The following WAPL variants were observed in gnomAD, a reference collection of about 807,000 sequenced individuals.
The protein encoded by WAPL is WAPL cohesin release factor.
WAPL carries 5 observed loss-of-function variants against 121.0 expected under a neutral mutation model. That is an observed-to-expected ratio of 0.04 (90% CI 0.02 to 0.09). The LOEUF (loss-of-function observed/expected upper bound fraction) is 0.09, where lower values mean the gene tolerates loss of function less well. WAPL is among the 10% of genes least tolerant of loss of function. The pLI, the probability that WAPL is intolerant of heterozygous loss-of-function variation, is 1.00. For synonymous variants in WAPL, 480 were observed against 481.5 expected (o/e 1.00, Z 0.04); for missense variants, 999 against 1,410.8 (o/e 0.71, Z 4.68).
chr10:86,442,906 G>A (rs748612372), intron 17 of WAPL, among the ~76,000 whole-genome samples: 12 of 152,016 alleles, frequency 7.9e-5, no homozygotes, highest in African/African-American at 2.9e-4. Context: ...AGCCGGGGGC[G>A]GTGGCAGGCG....
intron 4 of WAPL, among the ~76,000 whole-genome samples, chr10:86,487,661 C>T (rs917600901): frequency 6.6e-6 from 1 of 152,016 alleles, no homozygotes; most frequent in East Asian, 1.9e-4. Context: ...GAGGCCGAGG[C>T]GGGTGGATCA....
At position 86,473,803 on chromosome 10, in the gene WAPL, T is replaced by C. The variant is rs1270615132; in HGVS notation, c.1740+75A>G. 19 of 1,171,004 alleles carry C rather than the reference T, an allele frequency of 1.6e-5. No individual in the cohort carries two copies. In the Admixed American group the frequency reaches 2.7e-4, roughly 17 times the overall value. 72.5% of individuals were successfully genotyped at this position (1,171,004 alleles called of 1,614,324 possible). On this transcript the variant is annotated intron_variant, in intron 5 of 18. Coordinates refer to ENST00000298767, the MANE Select transcript of WAPL (RefSeq NM_015045.5). ...AATAGAAAAGTCAAAGATTTACAAA[T>C]TATGAATTAAAAGAGTAACTGCTTA...
intron 2 of WAPL, among the ~76,000 whole-genome samples, chr10:86,516,785 G>C (rs961133200): frequency 6.6e-6 from 1 of 152,010 alleles, no homozygotes; most frequent in African/African-American, 2.4e-5. Flanking sequence ...CAGTTTTGTG[G>C]TTTAAAATCT....
intron 2 of WAPL, among the ~76,000 whole-genome samples, chr10:86,507,283 G>A (rs763415519): frequency 1.5e-5 from 2 of 136,346 alleles, no homozygotes; most frequent in Non-Finnish European, 1.5e-5. Flanking sequence ...CAGGAGAATC[G>A]CTTGAACCCG....
At chr10:86,487,009 T>G (rs926295809) in intron 4 of WAPL, among the ~76,000 whole-genome samples, 1 of 151,694 alleles carries the variant, frequency 6.6e-6, no homozygotes, top group Non-Finnish European at 1.5e-5. Flanking sequence ...GAAACTGAGA[T>G]TGACGTTATG....
intron 11 of WAPL, 94 bp from the exon 12 acceptor site, chr10:86,459,159 G>C (rs1841215479): frequency 7.1e-6 from 7 of 991,432 alleles, no homozygotes; most frequent in Non-Finnish European, 1.5e-6. Context: ...AAGATACAAA[G>C]ATGAGGAAGA....
rs879448926 is a variant in WAPL, at chr10:86,453,557, T to C, written c.2833+99A>G. 1.6e-5 allele frequency: 22 copies of C among 1,390,718 alleles called. No homozygotes were observed. In the East Asian group the frequency reaches 3.5e-4, roughly 22 times the overall value. 86.1% of individuals were successfully genotyped at this position (1,390,718 alleles called of 1,614,324 possible). A position where few individuals can be genotyped will look rare whatever the true frequency, so the allele number is the denominator to read the frequency against. On this transcript the variant is annotated intron_variant, in intron 13 of 18. Coordinates refer to ENST00000298767, the MANE Select transcript of WAPL (RefSeq NM_015045.5). The stretch of plus-strand genomic sequence containing the variant: ...AGTAAGTCAAGTACATTATGACAAA[T>C]AAAAAAATCACTACCCCAGGAAAAG...
chr10:86,454,740 G>T (rs1841091478), intron 12 of WAPL, among the ~76,000 whole-genome samples: 1 of 150,316 alleles, frequency 6.7e-6, no homozygotes, highest in Non-Finnish European at 1.5e-5. Context: ...CCCAGCCTGG[G>T]AAGTGAGGAG....
At chr10:86,515,239 G>A (rs947996758) in intron 2 of WAPL, among the ~76,000 whole-genome samples, 2 of 151,220 alleles carry the variant, frequency 1.3e-5, no homozygotes, top group Non-Finnish European at 1.5e-5. Context: ...CCAGCCTGGG[G>A]GGACAAGAGC....
rs554624539 is a variant in WAPL at position 86,476,094 on chromosome 10, G to A, written c.1645-2121C>T. On this transcript the variant is annotated intron_variant, in intron 4 of 18. Coordinates refer to ENST00000298767, the MANE Select transcript of WAPL (RefSeq NM_015045.5). ...AAAAAGCACTGACTAGGCCGGGCACGGTGGCTTACGCCTGTAATCCCAGCA... is the reference window on the plus strand; with the variant it reads ...AAAAAGCACTGACTAGGCCGGGCACAGTGGCTTACGCCTGTAATCCCAGCA... Among the ~76,000 whole-genome samples, 10 of 152,358 alleles carry A rather than the reference G, an allele frequency of 6.6e-5. No homozygotes were observed. In the South Asian group the frequency reaches 1.2e-3, roughly 19 times the overall value.
intron 2 of WAPL, among the ~76,000 whole-genome samples, chr10:86,506,272 G>C (rs748176060): frequency 6.6e-6 from 1 of 152,022 alleles, no homozygotes; most frequent in Non-Finnish European, 1.5e-5. Flanking sequence ...AAAATACTTT[G>C]AGGGTGAGGA....
At chr10:86,463,203 A>C (rs888310703) in intron 9 of WAPL, among the ~76,000 whole-genome samples, 2 of 152,252 alleles carry the variant, frequency 1.3e-5, no homozygotes, top group African/African-American at 4.8e-5. Context: ...AGAGACAAGG[A>C]TCACTTGAAC....
chr10:86,496,746 G>T (rs1488124834), intron 4 of WAPL, among the ~76,000 whole-genome samples: 1 of 152,166 alleles, frequency 6.6e-6, no homozygotes, highest in Admixed American at 6.5e-5. Context: ...ATCAGGCTTA[G>T]TGAAATAAAC....
chr10:86,440,442 C>T (rs1589487052), intron 17 of WAPL, among the ~76,000 whole-genome samples: 2 of 138,254 alleles, frequency 1.4e-5, no homozygotes, highest in South Asian at 4.5e-4. Flanking sequence ...TGCCCACCAC[C>T]ACGCCCGGCT....
At position 86,453,649 on chromosome 10, in the gene WAPL, A is replaced by G; in HGVS notation, c.2833+7T>C. 1 of 1,591,890 alleles carries G rather than the reference A, an allele frequency of 6.3e-7. No homozygotes were observed. The highest frequency in any genetic ancestry group is 2.2e-5 in the East Asian group (1 of 44,704). On this transcript the variant is annotated splice_region_variant and intron_variant, in intron 13 of 18. Coordinates refer to ENST00000298767, the MANE Select transcript of WAPL (RefSeq NM_015045.5). Reference sequence around the variant, plus strand: ...TTCAATGAGAAAAAAATGGAAAAAAATCTTACCATTATCATTAGTTAAATT... The same window carrying G: ...TTCAATGAGAAAAAAATGGAAAAAAGTCTTACCATTATCATTAGTTAAATT...
At chr10:86,467,035 T>G (rs947924700) in intron 9 of WAPL, 4 of 430,466 alleles carry the variant, frequency 9.3e-6, no homozygotes, top group African/African-American at 8.0e-5. Context: ...AGAAAAGGAT[T>G]AGACAAAATG....
chr10:86,449,931 T>G (rs1840936787), intron 15 of WAPL, among the ~76,000 whole-genome samples: 1 of 152,136 alleles, frequency 6.6e-6, no homozygotes, highest in South Asian at 2.1e-4. Flanking sequence ...TAGTGGTGAG[T>G]ACATGAATCT....
intron 11 of WAPL, 133 bp downstream of exon 11, chr10:86,460,266 T>C: frequency 2.9e-6 from 2 of 683,364 alleles, no homozygotes; most frequent in Non-Finnish European, 2.5e-6. Flanking sequence ...GCTCAAAAAA[T>C]GTACTGCTAT....
intron 17 of WAPL, among the ~76,000 whole-genome samples, chr10:86,439,273 T>C (rs1410179543): frequency 1.3e-5 from 2 of 152,174 alleles, no homozygotes; most frequent in African/African-American, 2.4e-5. Context: ...AAAACACTGC[T>C]AAAGTACTCA....
Sources: gnomAD v4.1 joint callset for allele counts (sites outside exome capture counted in the v4.1 genomes callset) on GRCh38, gnomAD v4.1.1 for gene constraint, MANE v1.5 for transcripts, NCBI Gene and HGNC (gene_info 2026-07-23, HGNC 2026-07-21) for gene names.